ASTN1: variants seen among roughly 807,000 people sequenced by gnomAD.
ASTN1 encodes astrotactin 1.
ASTN1 carries 41 observed loss-of-function variants against 140.7 expected under a neutral mutation model. That is an observed-to-expected ratio of 0.29 (90% confidence interval 0.23 to 0.38). ASTN1 has a LOEUF of 0.38. Ranked by LOEUF, ASTN1 falls within the 10% of genes least tolerant of loss-of-function variation. The pLI is 1.00. For missense variants in ASTN1, 1,479 were observed against 1,678.8 expected (o/e 0.88, Z 2.08); for synonymous variants, 640 against 652.2 (o/e 0.98, Z 0.29).
chr1:176,983,686 T>C (rs1245067565), intron 8 of ASTN1, among the ~76,000 whole-genome samples: 1 of 152,218 alleles, frequency 6.6e-6, no homozygotes, highest in Non-Finnish European at 1.5e-5. Context: ...GGATGTTTCC[T>C]TGCGTGGGCC....
At position 176,894,678 on chromosome 1, in the gene ASTN1, A is replaced by G. The variant is rs948124986; in HGVS notation, c.2824T>C (p.Ser942Pro). Reference protein sequence around the residue: ...ECHSKGRCPSSCPLCHVTSSP... With the variant: ...ECHSKGRCPSPCPLCHVTSSP... ...GATGTCACATGACACAGGGGGCAGG[A>G]CGAGGGGCATCGTCCCTTGCTGTGG... is the stretch of plus-strand genomic sequence containing the variant. Residue 942 changes from serine (S) to proline (P), a missense_variant, in exon 17 of 23, where the codon TCC becomes CCC. Around this residue, in one of 3 missense-constraint regions of ASTN1, gnomAD observed 746 missense variants for 800.9 expected, o/e 0.93. Coordinates refer to ENST00000361833, the MANE Select transcript of ASTN1 (RefSeq NM_004319.3). 2 of 1,614,128 alleles carry G rather than the reference A, an allele frequency of 1.2e-6. No individual in the cohort carries two copies. The highest frequency in any genetic ancestry group is 1.7e-5 in the Admixed American group (1 of 60,024).
chr1:177,018,393 G>C (rs1004273804), intron 7 of ASTN1, among the ~76,000 whole-genome samples: 1 of 152,176 alleles, frequency 6.6e-6, no homozygotes, highest in Non-Finnish European at 1.5e-5. Context: ...GGGAAGGTTA[G>C]AGAGAGAGAC....
intron 16 of ASTN1, among the ~76,000 whole-genome samples, chr1:176,927,610 GAA>G (rs1671027042): frequency 6.6e-6 from 1 of 152,118 alleles, no homozygotes; most frequent in Non-Finnish European, 1.5e-5. Context: ...TCTGAAGTAA[GAA>G]AATATAAAGG....
At chr1:176,864,895 A>G (rs1004730992) in intron 22 of ASTN1, among the ~76,000 whole-genome samples, 5 of 152,208 alleles carry the variant, frequency 3.3e-5, no homozygotes, top group Admixed American at 2.6e-4. Context: ...GACAAATAAT[A>G]TGCTTGACTG....
intron 1 of ASTN1, among the ~76,000 whole-genome samples, chr1:177,142,241 T>G (rs1381142523): frequency 6.6e-6 from 1 of 152,106 alleles, no homozygotes; most frequent in Admixed American, 6.6e-5. Context: ...GGCAAGGTGG[T>G]CAGCATGTGG....
At chr1:176,900,464 C>T (rs950945449) in intron 16 of ASTN1, among the ~76,000 whole-genome samples, 1 of 152,186 alleles carries the variant, frequency 6.6e-6, no homozygotes, top group Non-Finnish European at 1.5e-5. Context: ...CTCTCTCTCT[C>T]TCTCTTTCTC....
chr1:176,971,803 G>A (rs992030894), intron 8 of ASTN1, among the ~76,000 whole-genome samples: 2 of 152,146 alleles, frequency 1.3e-5, no homozygotes, highest in African/African-American at 4.8e-5. Flanking sequence ...TTGCAAATGA[G>A]GTTGAGGGTT....
At chr1:177,140,578 AC>A (rs1395960212) in intron 1 of ASTN1, among the ~76,000 whole-genome samples, 2 of 152,164 alleles carry the variant, frequency 1.3e-5, no homozygotes, top group African/African-American at 4.8e-5. Context: ...CTTATCCTTG[AC>A]CTATAAGTAG....
intron 18 of ASTN1, 145 bp from the exon 19 acceptor site, chr1:176,884,635 G>T (rs1315474011): frequency 6.8e-6 from 6 of 883,436 alleles, no homozygotes; most frequent in Non-Finnish European, 9.9e-6. Context: ...TCTTTCAAAA[G>T]ATAGTAATGT....
At chr1:176,891,512 A>G (rs1435840681) in intron 17 of ASTN1, among the ~76,000 whole-genome samples, 8 of 152,106 alleles carry the variant, frequency 5.3e-5, no homozygotes, top group Non-Finnish European at 1.0e-4. Flanking sequence ...TGTAGATACA[A>G]GCCGGGCACG....
At chr1:177,011,234 A>G (rs1355916449) in intron 8 of ASTN1, among the ~76,000 whole-genome samples, 1 of 152,180 alleles carries the variant, frequency 6.6e-6, no homozygotes, top group East Asian at 1.9e-4. Flanking sequence ...ACAGTTCACA[A>G]TCCAAATTCT....
intron 1 of ASTN1, among the ~76,000 whole-genome samples, chr1:177,091,914 G>A (rs1350004937): frequency 1.3e-5 from 2 of 151,308 alleles, no homozygotes; most frequent in Non-Finnish European, 3.0e-5. Context: ...TAACACACTT[G>A]TGGATTGTCT....
At chr1:177,136,435 T>C (rs1682205890) in intron 1 of ASTN1, among the ~76,000 whole-genome samples, 1 of 151,188 alleles carries the variant, frequency 6.6e-6, no homozygotes, top group Non-Finnish European at 1.5e-5. Context: ...TCACCGCAAC[T>C]TCCACCTCCC....
intron 8 of ASTN1, among the ~76,000 whole-genome samples, chr1:176,989,864 C>G (rs2101895061): frequency 6.6e-6 from 1 of 152,110 alleles, no homozygotes; most frequent in East Asian, 2.0e-4. Context: ...CCAACTGTTT[C>G]TGCTTGTGCT....
intron 1 of ASTN1, among the ~76,000 whole-genome samples, chr1:177,116,962 T>C (rs1324842922): frequency 6.6e-6 from 1 of 152,130 alleles, no homozygotes; most frequent in Admixed American, 6.5e-5. Context: ...ATTACCTCTA[T>C]CCTAATGACT....
At chr1:177,114,772 C>A (rs7517491) in intron 1 of ASTN1, among the ~76,000 whole-genome samples, 8,022 of 152,194 alleles carry the variant, frequency 0.053, 240 homozygotes, top group Admixed American at 0.065. Context: ...CAAACATATA[C>A]CTTTTTAAAA....
downstream of ASTN1, among the ~76,000 whole-genome samples, chr1:176,857,891 G>T (rs1193309266): frequency 6.6e-6 from 1 of 152,160 alleles, no homozygotes; most frequent in Admixed American, 6.5e-5. Flanking sequence ...GGGACAGGGC[G>T]TGAGTCGGTT....
Position 176,865,304 on chromosome 1 carries a change from G to A in ASTN1, c.3648-783C>T, listed in dbSNP as rs1444507848. Among the ~76,000 whole-genome samples the A allele has an allele frequency of 5.3e-5, 8 of 152,328 alleles. No individual in the cohort carries two copies. The East Asian group carries it at 7.7e-4, about 15-fold the overall frequency. On this transcript the variant is annotated intron_variant, in intron 22 of 22. Coordinates refer to ENST00000361833, the MANE Select transcript of ASTN1 (RefSeq NM_004319.3). ...TGCCCCAAGTTGTACACACTGGAAA[G>A]GAGTGAACCCCCTGGGCCAGAGTGT...
At chr1:177,112,269 T>C (rs1680857674) in intron 1 of ASTN1, among the ~76,000 whole-genome samples, 1 of 152,210 alleles carries the variant, frequency 6.6e-6, no homozygotes, top group Non-Finnish European at 1.5e-5. Flanking sequence ...TTACCATGTT[T>C]TTGCTGCTGA....
Sources: gnomAD v4.1 joint callset for allele counts (sites outside exome capture counted in the v4.1 genomes callset) on GRCh38, gnomAD v4.1.1 for gene constraint, gnomAD v4.1.1 regional missense constraint, MANE v1.5 for transcripts, NCBI Gene and HGNC (gene_info 2026-07-23, HGNC 2026-07-21) for gene names.